The following CHST11 variants were observed in gnomAD, a reference collection of about 807,000 sequenced individuals.
CHST11 encodes the protein carbohydrate sulfotransferase 11.
CHST11 carries 9 observed loss-of-function variants against 30.4 expected under a neutral mutation model. The ratio of observed to expected loss-of-function variants is 0.30; its 90% CI spans 0.18 to 0.52. CHST11 has a LOEUF of 0.52. Ranked by LOEUF, CHST11 falls within the 20% of genes least tolerant of loss-of-function variation. The pLI is 0.97. For synonymous variants in CHST11, 152 were observed against 187.8 expected (o/e 0.81, Z 1.56); for missense variants, 348 against 460.6 (o/e 0.76, Z 2.24).
intron 1 of CHST11, among the ~76,000 whole-genome samples, chr12:104,574,565 T>G (rs1364206784): frequency 6.6e-6 from 1 of 152,056 alleles, no homozygotes; most frequent in Non-Finnish European, 1.5e-5. Context: ...TGTAGGGACA[T>G]GGATGAAGCT....
chr12:104,691,916 G>A (rs1197464092), intron 2 of CHST11, among the ~76,000 whole-genome samples: 1 of 152,228 alleles, frequency 6.6e-6, no homozygotes, highest in Non-Finnish European at 1.5e-5. Flanking sequence ...GTGTGACAAT[G>A]TGGTGAGTGA....
At chr12:104,621,879 A>G (rs192865611) in intron 2 of CHST11, among the ~76,000 whole-genome samples, 1 of 152,338 alleles carries the variant, frequency 6.6e-6, no homozygotes, top group Admixed American at 6.5e-5. Context: ...CCAGGGTCCA[A>G]AGGAGGCCTG....
intron 1 of CHST11, chr12:104,514,227 G>A (rs2037997888): frequency 1.1e-5 from 10 of 883,646 alleles, no homozygotes; most frequent in Non-Finnish European, 1.4e-5. Context: ...TGACACAGCA[G>A]CCAAGTTTAT....
At chr12:104,481,916 C>T (rs1264529759) in intron 1 of CHST11, among the ~76,000 whole-genome samples, 1 of 149,070 alleles carries the variant, frequency 6.7e-6, no homozygotes, top group Non-Finnish European at 1.5e-5. Context: ...TGGCTCACTG[C>T]AGCCTCCACC....
At chr12:104,607,836 G>A (rs547280163) in intron 2 of CHST11, among the ~76,000 whole-genome samples, 10 of 152,196 alleles carry the variant, frequency 6.6e-5, no homozygotes, top group South Asian at 2.1e-4. Flanking sequence ...TGGAGGTCAC[G>A]AGGAGCCCAC....
At chr12:104,571,919 A>G (rs1280201507) in intron 1 of CHST11, among the ~76,000 whole-genome samples, 1 of 152,336 alleles carries the variant, frequency 6.6e-6, no homozygotes, top group South Asian at 2.1e-4. Flanking sequence ...AGTTTTTAGC[A>G]TGAAGGGTTG....
chr12:104,584,091 ACT>A (rs1302920535), intron 1 of CHST11, among the ~76,000 whole-genome samples: 3 of 151,734 alleles, frequency 2.0e-5, no homozygotes, highest in Non-Finnish European at 4.4e-5. Context: ...GGAAATTCCA[ACT>A]CTTTGTTTAG....
intron 2 of CHST11, among the ~76,000 whole-genome samples, chr12:104,648,156 A>C (rs1327964069): frequency 6.6e-6 from 1 of 152,210 alleles, no homozygotes; most frequent in Non-Finnish European, 1.5e-5. Context: ...ACTACTGTGT[A>C]TCCTCTTTCT....
At chr12:104,472,108 C>CATCA (rs141860193) in intron 1 of CHST11, among the ~76,000 whole-genome samples, 9,117 of 151,710 alleles carry the variant, frequency 0.06, 674 homozygotes, top group African/African-American at 0.17. Flanking sequence ...AGGTGTGCAC[C>CATCA]ATCACACTTA....
chr12:104,513,949 T>A, intron 1 of CHST11: 1 of 559,074 alleles, frequency 1.8e-6, no homozygotes, highest in South Asian at 1.9e-5. Flanking sequence ...GAGTCATTTT[T>A]AAAGAAGAGA....
chr12:104,464,216 C>T (rs1229213840), intron 1 of CHST11, among the ~76,000 whole-genome samples: 4 of 151,776 alleles, frequency 2.6e-5, no homozygotes, highest in African/African-American at 7.3e-5. Flanking sequence ...TACAGGCATG[C>T]ACCACCACAC....
At chr12:104,489,481 T>C (rs2037723709) in intron 1 of CHST11, among the ~76,000 whole-genome samples, 1 of 152,020 alleles carries the variant, frequency 6.6e-6, no homozygotes, top group South Asian at 2.1e-4. Context: ...CTTTTATTTA[T>C]TTATTTATTT....
intron 1 of CHST11, among the ~76,000 whole-genome samples, chr12:104,503,275 G>A (rs1342898638): frequency 6.6e-6 from 1 of 152,218 alleles, no homozygotes; most frequent in Admixed American, 6.5e-5. Context: ...AGTTACAAGA[G>A]AGAAGGAACT....
chr12:104,558,538 TC>T (rs71441899), intron 1 of CHST11, among the ~76,000 whole-genome samples: 37,518 of 117,540 alleles, frequency 0.32, 3,824 homozygotes, highest in Middle Eastern at 0.5. Flanking sequence ...CAGCAGAAAT[TC>T]CCCCCCCCGC....
intron 1 of CHST11, among the ~76,000 whole-genome samples, chr12:104,461,600 TC>T (rs1325130388): frequency 1.3e-5 from 2 of 152,210 alleles, no homozygotes; most frequent in African/African-American, 4.8e-5. Flanking sequence ...TTGTTTGAAA[TC>T]TACTGTTCAT....
At chr12:104,684,293 TG>T (rs1184373684) in intron 2 of CHST11, among the ~76,000 whole-genome samples, 1 of 151,740 alleles carries the variant, frequency 6.6e-6, no homozygotes, top group Non-Finnish European at 1.5e-5. Context: ...GATGGATGGA[TG>T]GATGGATGGA....
At chr12:104,731,463 G>C (rs745603371) in intron 2 of CHST11, among the ~76,000 whole-genome samples, 2 of 152,206 alleles carry the variant, frequency 1.3e-5, no homozygotes, top group Admixed American at 6.5e-5. Flanking sequence ...GACCTGAAAG[G>C]CTTCTCCCGG....
intron 1 of CHST11, among the ~76,000 whole-genome samples, chr12:104,479,057 T>C (rs1352638520): frequency 1.3e-5 from 2 of 152,258 alleles, no homozygotes; most frequent in East Asian, 3.9e-4. Context: ...TTACTTGGCA[T>C]TTCCAAACTT....
rs574814502 is a variant in CHST11 at position 104,539,730 on chromosome 12, T to C, written c.119-62176T>C. Among the ~76,000 whole-genome samples, 9 of 152,358 alleles carry C rather than the reference T, an allele frequency of 5.9e-5. 1 individual carries two copies. The highest frequency in any genetic ancestry group is 5.8e-4 in the East Asian group (3 of 5,192). ...TATCTTTTCAGACTTTTAATAGTTA[T>C]CTAAATACAGTCGTCCTTTGGTATC... On this transcript the variant is annotated intron_variant, in intron 1 of 2. Coordinates refer to ENST00000303694, the MANE Select transcript of CHST11 (RefSeq NM_018413.6).
Sources: allele counts gnomAD v4.1 joint callset (sites outside exome capture counted in the v4.1 genomes callset), GRCh38; gene constraint gnomAD v4.1.1; transcripts MANE v1.5; gene names NCBI Gene and HGNC (gene_info 2026-07-23, HGNC 2026-07-21).